The following COG6 variants were observed in gnomAD, a reference collection of about 807,000 sequenced individuals.
The protein encoded by COG6 is conserved oligomeric Golgi complex subunit 6.
A neutral mutation model predicts 88.8 loss-of-function variants in COG6; 74 were observed. That is an observed-to-expected ratio of 0.83 (90% CI 0.69 to 1.01). The LOEUF (loss-of-function observed/expected upper bound fraction) is 1.01. Ranked by LOEUF, COG6 falls within the 50% of genes least tolerant of loss-of-function variation. The pLI, the probability that COG6 is intolerant of heterozygous loss-of-function variation, is 0.00. For missense variants in COG6, 800 were observed against 797.9 expected, an observed-to-expected ratio of 1.00 and a Z score of -0.03; for synonymous variants, 286 against 278.7, an observed-to-expected ratio of 1.03 and a Z score of -0.26.
chr13:39,673,979 T>A (rs1004230391), intron 4 of COG6, among the ~76,000 whole-genome samples: 1 of 152,106 alleles, frequency 6.6e-6, no homozygotes, highest in Non-Finnish European at 1.5e-5. Context: ...TAAACCCTTA[T>A]CAGCATTAGA....
At chr13:39,758,692 G>A (rs1344306804) in intron 18 of COG6, among the ~76,000 whole-genome samples, 1 of 152,162 alleles carries the variant, frequency 6.6e-6, no homozygotes, top group Non-Finnish European at 1.5e-5. Context: ...TTCCTCAAAA[G>A]AGTTATGATA....
chr13:39,710,237 G>T (rs909070279), intron 13 of COG6, among the ~76,000 whole-genome samples: 3 of 151,936 alleles, frequency 2.0e-5, no homozygotes, highest in East Asian at 1.9e-4. Flanking sequence ...ATATTGAGTG[G>T]TTTTTTTGAT....
chr13:39,687,439 G>T, intron 8 of COG6, 64 bp from the exon 9 acceptor site: 1 of 1,457,354 alleles, frequency 6.9e-7, no homozygotes, highest in South Asian at 1.1e-5. Context: ...GAAATTGCGT[G>T]AATAGTCTGA....
intron 18 of COG6, among the ~76,000 whole-genome samples, chr13:39,740,087 G>A (rs933441157): frequency 2.0e-5 from 3 of 152,076 alleles, no homozygotes; most frequent in Non-Finnish European, 4.4e-5. Context: ...AAAATTTATT[G>A]AAAATTCTAA....
chr13:39,779,411 T>A (rs1182859462), intron 18 of COG6, among the ~76,000 whole-genome samples: 1 of 152,234 alleles, frequency 6.6e-6, no homozygotes, highest in Non-Finnish European at 1.5e-5. Flanking sequence ...ATCATCCTAT[T>A]GGGCTTTGCA....
intron 18 of COG6, among the ~76,000 whole-genome samples, chr13:39,748,143 T>C (rs1044273336): frequency 1.3e-5 from 2 of 152,210 alleles, no homozygotes; most frequent in Non-Finnish European, 2.9e-5. Flanking sequence ...GAACACTGTT[T>C]CTAAAATCCA....
chr13:39,662,382 CTTCCAA>C (rs1357492804), intron 3 of COG6, among the ~76,000 whole-genome samples: 4 of 152,092 alleles, frequency 2.6e-5, no homozygotes, highest in African/African-American at 9.7e-5. Context: ...CTACCTCGGC[CTTCCAA>C]AGTGCTGGGA....
At chr13:39,743,478 C>G (rs758674421) in intron 18 of COG6, among the ~76,000 whole-genome samples, 31 of 152,200 alleles carry the variant, frequency 2.0e-4, no homozygotes, top group Non-Finnish European at 4.0e-4. Context: ...ATAAACACCT[C>G]TATGCAAATA....
chr13:39,787,478 T>A (rs532103569), intron 18 of COG6, among the ~76,000 whole-genome samples: 1 of 152,300 alleles, frequency 6.6e-6, no homozygotes, highest in Admixed American at 6.5e-5. Context: ...ACAGATTAAC[T>A]AATCTTGCCT....
chr13:39,754,204 A>C (rs1013943175), downstream of COG6, among the ~76,000 whole-genome samples: 6 of 152,048 alleles, frequency 3.9e-5, no homozygotes, highest in Non-Finnish European at 7.4e-5. Context: ...CTAGGGCTTG[A>C]TCCTGGATAC....
chr13:39,738,091 C>T (rs577127506), intron 18 of COG6, among the ~76,000 whole-genome samples: 1 of 152,312 alleles, frequency 6.6e-6, no homozygotes, highest in African/African-American at 2.4e-5. Flanking sequence ...TTTAGTGCCT[C>T]TTTCCTTAAT....
chr13:39,713,609 G>A (rs546796972), intron 13 of COG6, among the ~76,000 whole-genome samples: 200 of 152,112 alleles, frequency 1.3e-3, no homozygotes, highest in Non-Finnish European at 2.3e-3. Flanking sequence ...GGTGGCAGGC[G>A]CCTGTAGTCC....
At chr13:39,669,865 T>G (rs1206413610) in intron 4 of COG6, among the ~76,000 whole-genome samples, 3 of 152,150 alleles carry the variant, frequency 2.0e-5, no homozygotes, top group African/African-American at 7.2e-5. Context: ...ATGTGCCAAG[T>G]GAACGTTTGT....
At chr13:39,755,971 G>A (rs1880822281), downstream of COG6, among the ~76,000 whole-genome samples, 2 of 152,164 alleles carry the variant, frequency 1.3e-5, no homozygotes, top group South Asian at 4.1e-4. Flanking sequence ...AACAAACGGG[G>A]TGGGGCAAGA....
Position 39,705,613 on chromosome 13 carries a change from T to C in COG6, c.1284+5995T>C, listed in dbSNP as rs1566187731. Among the ~76,000 whole-genome samples the C allele has an allele frequency of 2.0e-5, 3 of 152,216 alleles. No homozygotes were observed. The East Asian group carries it at 5.8e-4, about 29-fold the overall frequency. On this transcript the variant is annotated intron_variant, in intron 13 of 18. Transcript: ENST00000455146. ...TGTCTTAAATGAAACCCATATCAAG[T>C]TAATAGTAGTCAGGATTGATTTGCC... is the stretch of plus-strand genomic sequence containing the variant.
At chr13:39,770,832 T>G (rs1181672552) in intron 18 of COG6, among the ~76,000 whole-genome samples, 1 of 152,232 alleles carries the variant, frequency 6.6e-6, no homozygotes, top group East Asian at 1.9e-4. Context: ...TTTTAATTAC[T>G]GAAAAGTTTA....
rs763265520 is a variant in COG6 at position 39,711,681 on chromosome 13, G to GT, written c.1285-7554dup. Among the ~76,000 whole-genome samples, 3 of 152,252 alleles carry GT rather than the reference G, an allele frequency of 2.0e-5. No individual in the cohort carries two copies. The East Asian group carries it at 5.8e-4, about 29-fold the overall frequency. On this transcript the variant is annotated intron_variant, in intron 13 of 18. Coordinates refer to ENST00000455146, the MANE Select transcript of COG6 (RefSeq NM_020751.3). Reference sequence around the variant, plus strand: ...CATTAGGATTAAATGAAGATCACATGTAAAATACATGGTACAGTTTTTAGA... The same window carrying GT: ...CATTAGGATTAAATGAAGATCACATGTTAAAATACATGGTACAGTTTTTAGA...
At chr13:39,723,705 A>G (rs768623211) in intron 16 of COG6, among the ~76,000 whole-genome samples, 1 of 152,068 alleles carries the variant, frequency 6.6e-6, no homozygotes, top group African/African-American at 2.4e-5. Context: ...AGTATTAACA[A>G]TCCTTTTTAT....
intron 13 of COG6, among the ~76,000 whole-genome samples, chr13:39,706,678 A>G (rs1468788333): frequency 6.6e-6 from 1 of 152,060 alleles, no homozygotes; most frequent in Non-Finnish European, 1.5e-5. Context: ...TTTTTTAAAA[A>G]AATTATTGAT....
Sources: gnomAD v4.1 joint callset for allele counts (sites outside exome capture counted in the v4.1 genomes callset) on GRCh38, gnomAD v4.1.1 for gene constraint, MANE v1.5 for transcripts, NCBI Gene and HGNC (gene_info 2026-07-23, HGNC 2026-07-21) for gene names.